The following CWH43 variants were observed in gnomAD, a reference collection of about 807,000 sequenced individuals.
CWH43 encodes PGAP2-interacting protein.
Under a neutral mutation model 85.7 loss-of-function variants are expected in CWH43, and 91 were observed. The ratio of observed to expected loss-of-function variants is 1.06; its 90% CI spans 0.90 to 1.26. The LOEUF is 1.26. Among genes scored for constraint, CWH43 ranks in the 50% most tolerant of loss-of-function variants. The pLI, the probability that CWH43 is intolerant of heterozygous loss-of-function variation, is 0.00. For missense variants in CWH43, 869 were observed against 839.2 expected, an observed-to-expected ratio of 1.04 and a Z score of -0.44; for synonymous variants, 323 against 293.6, an observed-to-expected ratio of 1.10 and a Z score of -1.02.
chr4:49,037,414 C>T (rs1020863671), intron 12 of CWH43, among the ~76,000 whole-genome samples: 6 of 152,094 alleles, frequency 3.9e-5, no homozygotes, highest in Admixed American at 6.5e-5. Flanking sequence ...ACTAAAAATA[C>T]AAAAATTAAG....
In CWH43 at chr4:48,994,651, A is replaced by T; in HGVS notation, c.544A>T (p.Thr182Ser). ...GDCSKPEEKK[T>S]GEVATGMASR... ...CTGCAGTAAACCTGAAGAAAAGAAGACTGGTGAGGTAGCCACGGGGATGGC... is the reference window on the plus strand; with the variant it reads ...CTGCAGTAAACCTGAAGAAAAGAAGTCTGGTGAGGTAGCCACGGGGATGGC... The change falls in exon 5 of 16, where the codon ACT becomes TCT. Residue 182 changes from threonine (T) to serine (S), a missense_variant. Thr to Ser is a moderately conservative substitution (Grantham distance 58). Coordinates refer to ENST00000226432, the MANE Select transcript of CWH43 (RefSeq NM_025087.3). The T allele has an allele frequency of 6.2e-7, 1 of 1,613,836 alleles. No individual in the cohort carries two copies. The highest frequency in any genetic ancestry group is 8.5e-7 in the Non-Finnish European group (1 of 1,179,950).
chr4:49,028,030 G>A (rs1208948784), intron 9 of CWH43, among the ~76,000 whole-genome samples: 4 of 152,090 alleles, frequency 2.6e-5, no homozygotes, highest in East Asian at 1.9e-4. Flanking sequence ...TATGTTGAAG[G>A]CCCCTCTGTA....
rs1783694272 is a variant in CWH43, at chr4:49,020,155, C to G, written c.1266+2827C>G. Among the ~76,000 whole-genome samples the G allele has an allele frequency of 2.6e-5, 4 of 151,974 alleles. 1 individual carries two copies. Among genetic ancestry groups the G allele is most frequent in the Admixed American group, 2.6e-4 (4 of 15,246 alleles). ...AATTTGTAGTCTTTTATTCCTCACTCCCTCCCACCCTTTAATAAGCAACTG... is the reference window on the plus strand; with the variant it reads ...AATTTGTAGTCTTTTATTCCTCACTGCCTCCCACCCTTTAATAAGCAACTG... On this transcript the variant is annotated intron_variant, in intron 9 of 15. Coordinates refer to ENST00000226432, the MANE Select transcript of CWH43 (RefSeq NM_025087.3).
In CWH43 at chr4:49,061,801, T is replaced by TA; in HGVS notation, c.2022-10dup. 1 of 1,366,868 alleles carries TA rather than the reference T, an allele frequency of 7.3e-7. No individual in the cohort carries two copies. The highest frequency in any genetic ancestry group is 2.1e-4 in the Middle Eastern group (1 of 4,690). The allele number at this position is 1,366,868 out of a possible 1,614,324, so 84.7% of individuals were successfully genotyped here. ...TGCCAATAACTTTTTATTTATTTTT[T>TA]ATTTTTTTAGATTTGGATCCTACAA... is the stretch of plus-strand genomic sequence containing the variant. On this transcript the variant is annotated splice_polypyrimidine_tract_variant and intron_variant, in intron 15 of 15. Coordinates refer to ENST00000226432, the MANE Select transcript of CWH43 (RefSeq NM_025087.3).
At chr4:48,988,439 G>A (rs1782556336) in intron 1 of CWH43, 38 bp from the exon 2 acceptor site, 4 of 1,493,734 alleles carry the variant, frequency 2.7e-6, no homozygotes, top group Non-Finnish European at 3.6e-6. Flanking sequence ...CAATGTTGAA[G>A]TTACACTTTC....
intron 15 of CWH43, among the ~76,000 whole-genome samples, chr4:49,059,106 C>G (rs1348506894): frequency 1.3e-5 from 2 of 152,150 alleles, no homozygotes; most frequent in Non-Finnish European, 2.9e-5. Context: ...ATAAGGTTTA[C>G]TTAATGATGA....
chr4:49,010,684 C>G (rs890815479), intron 8 of CWH43, among the ~76,000 whole-genome samples: 1 of 152,120 alleles, frequency 6.6e-6, no homozygotes, highest in Admixed American at 6.6e-5. Context: ...TGTCTTTGTT[C>G]TCATTGGTTT....
chr4:48,996,133 G>A (rs1480256878), intron 5 of CWH43, among the ~76,000 whole-genome samples: 1 of 152,038 alleles, frequency 6.6e-6, no homozygotes, highest in African/African-American at 2.4e-5. Flanking sequence ...CTCTGCCTGG[G>A]CTTGCTTTTC....
chr4:48,987,610 A>G (rs1375865450), intron 1 of CWH43, among the ~76,000 whole-genome samples: 1 of 152,218 alleles, frequency 6.6e-6, no homozygotes, highest in Non-Finnish European at 1.5e-5. Context: ...TACCCACCTC[A>G]TAGCTTATGG....
intron 13 of CWH43, among the ~76,000 whole-genome samples, chr4:49,041,048 A>G (rs911123305): frequency 6.6e-6 from 1 of 152,126 alleles, no homozygotes; most frequent in Admixed American, 6.6e-5. Context: ...AAGATCAGAT[A>G]GTTGTAAATA....
chr4:48,999,988 T>C (rs1337537731), intron 6 of CWH43, among the ~76,000 whole-genome samples: 2 of 152,112 alleles, frequency 1.3e-5, no homozygotes, highest in Non-Finnish European at 2.9e-5. Context: ...AACAGAATTA[T>C]GCCAGCCCTC....
intron 5 of CWH43, among the ~76,000 whole-genome samples, chr4:48,995,662 C>T (rs560863368): frequency 6.6e-6 from 1 of 152,166 alleles, no homozygotes; most frequent in African/African-American, 2.4e-5. Context: ...TTCCCCCATT[C>T]CCAGGTCCAT....
At chr4:49,036,576 T>C (rs947925000) in intron 12 of CWH43, among the ~76,000 whole-genome samples, 1 of 152,180 alleles carries the variant, frequency 6.6e-6, no homozygotes, top group Admixed American at 6.5e-5. Context: ...TTTGTCATTT[T>C]CCCCCTTAAC....
chr4:48,994,879 C>G (rs1782764241), intron 5 of CWH43, 59 bp downstream of exon 5: 1 of 1,354,954 alleles, frequency 7.4e-7, no homozygotes, highest in Non-Finnish European at 1.1e-6. Flanking sequence ...GGAAGCAATG[C>G]CTCCTTTGTC....
intron 12 of CWH43, among the ~76,000 whole-genome samples, chr4:49,033,197 G>A (rs1427410832): frequency 6.6e-6 from 1 of 152,126 alleles, no homozygotes; most frequent in Admixed American, 6.6e-5. Context: ...CAGGATTACT[G>A]CTACAAATGG....
rs1466066401 is a variant in CWH43, at chr4:48,992,874, A to G, written c.511+784A>G. On this transcript the variant is annotated intron_variant, in intron 4 of 15. Coordinates refer to ENST00000226432, the MANE Select transcript of CWH43 (RefSeq NM_025087.3). The surrounding 1 kb of genome is among the most constrained non-coding windows in gnomAD (Gnocchi z 4.3). ...TTCCCCCTGTGGCCCCTAGTTTGGC[A>G]TGAAATGAGAATAGAGGGAAATTAT... Among the ~76,000 whole-genome samples, 1 of 152,212 alleles carries G rather than the reference A, an allele frequency of 6.6e-6. No homozygotes were observed. The highest frequency in any genetic ancestry group is 1.5e-5 in the Non-Finnish European group (1 of 68,032).
chr4:49,046,890 G>T (rs1460623865), intron 14 of CWH43, among the ~76,000 whole-genome samples: 1 of 152,096 alleles, frequency 6.6e-6, no homozygotes, highest in Non-Finnish European at 1.5e-5. Context: ...AACACTCAAG[G>T]GTTCTCCTGT....
chr4:49,044,002 T>C (rs921863954), intron 13 of CWH43, among the ~76,000 whole-genome samples: 1 of 152,150 alleles, frequency 6.6e-6, no homozygotes, highest in African/African-American at 2.4e-5. Context: ...TTTAGTGATC[T>C]AAAAATGTGT....
intron 12 of CWH43, among the ~76,000 whole-genome samples, chr4:49,033,459 AAAG>A (rs1020419451): frequency 6.6e-6 from 1 of 152,162 alleles, no homozygotes; most frequent in Non-Finnish European, 1.5e-5. Context: ...TCCTTGATGG[AAAG>A]AAGAGGACGG....
Sources: allele counts gnomAD v4.1 joint callset (sites outside exome capture counted in the v4.1 genomes callset), GRCh38; gene constraint gnomAD v4.1.1; non-coding constraint Gnocchi (gnomAD v3.1); transcripts MANE v1.5; gene names NCBI Gene and HGNC (gene_info 2026-07-23, HGNC 2026-07-21).